CRPPA: variants seen among roughly 807,000 people sequenced by gnomAD.
The protein encoded by CRPPA is D-ribitol-5-phosphate cytidylyltransferase.
Under a neutral mutation model 52.0 loss-of-function variants are expected in CRPPA, and 43 were observed. The ratio of observed to expected loss-of-function variants is 0.83; its 90% CI spans 0.65 to 1.07. The LOEUF (loss-of-function observed/expected upper bound fraction) is 1.07. CRPPA is among the 50% of genes least tolerant of loss of function. The probability of loss-of-function intolerance (pLI) is 0.00; values close to 1 mark genes in which losing one functional copy is unlikely to be tolerated. For missense variants in CRPPA, 629 were observed against 551.7 expected (o/e 1.14, Z -1.40); for synonymous variants, 250 against 203.5 (o/e 1.23, Z -1.94).
At chr7:16,410,779 T>G (rs1788060336) in intron 1 of CRPPA, among the ~76,000 whole-genome samples, 1 of 152,146 alleles carries the variant, frequency 6.6e-6, no homozygotes, top group Admixed American at 6.5e-5. Context: ...GCTGCTTACC[T>G]GGCCTCTCAA....
chr7:16,355,068 T>C (rs1044237470), intron 3 of CRPPA, among the ~76,000 whole-genome samples: 1 of 152,194 alleles, frequency 6.6e-6, no homozygotes, highest in Non-Finnish European at 1.5e-5. Context: ...AACTGTATCT[T>C]TTATAAGCAA....
intron 3 of CRPPA, among the ~76,000 whole-genome samples, chr7:16,375,361 A>G (rs1285416580): frequency 6.6e-6 from 1 of 152,200 alleles, no homozygotes; most frequent in Non-Finnish European, 1.5e-5. Flanking sequence ...CTGATATTCA[A>G]TAACTATTTA....
intron 9 of CRPPA, among the ~76,000 whole-genome samples, chr7:16,167,377 T>G (rs2128384109): frequency 6.6e-6 from 1 of 152,348 alleles, no homozygotes; most frequent in Non-Finnish European, 1.5e-5. Context: ...AGGAAAAATC[T>G]CATACTTTCT....
chr7:16,405,920 C>T (rs926374260), intron 2 of CRPPA, 141 bp downstream of exon 2: 2 of 771,756 alleles, frequency 2.6e-6, no homozygotes, highest in Non-Finnish European at 4.1e-6. Context: ...AAAGTTACTA[C>T]AACAAATCAC....
intron 9 of CRPPA, among the ~76,000 whole-genome samples, chr7:16,203,918 A>C (rs1781912821): frequency 6.6e-6 from 1 of 152,218 alleles, no homozygotes; most frequent in Non-Finnish European, 1.5e-5. Flanking sequence ...GAATCCATAT[A>C]GCAACAAATC....
rs1479470007 is a variant in CRPPA, at chr7:16,170,108, T to C, written c.1251+45958A>G. ...ATTATAAACAAATAAAATATAGAAG[T>C]ATAAATCATAATCCAAAAGTAGGAT... On this transcript the variant is annotated intron_variant, in intron 9 of 9. Transcript: ENST00000407010. Among the ~76,000 whole-genome samples, 6 of 152,216 alleles carry C rather than the reference T, an allele frequency of 3.9e-5. No homozygotes were observed. In the South Asian group the frequency reaches 1.2e-3, roughly 32 times the overall value.
At chr7:16,303,143 T>C (rs1784825177) in intron 4 of CRPPA, among the ~76,000 whole-genome samples, 1 of 152,302 alleles carries the variant, frequency 6.6e-6, no homozygotes, top group Non-Finnish European at 1.5e-5. Context: ...AGAAATACTA[T>C]AGCATTTCAC....
intron 9 of CRPPA, among the ~76,000 whole-genome samples, chr7:16,114,326 C>G (rs1265098406): frequency 2.0e-5 from 3 of 148,944 alleles, no homozygotes; most frequent in Non-Finnish European, 3.0e-5. Flanking sequence ...ACCTTTGATA[C>G]CATTTAAGAC....
intron 5 of CRPPA, among the ~76,000 whole-genome samples, chr7:16,286,904 A>G (rs955366507): frequency 6.6e-6 from 1 of 152,160 alleles, no homozygotes; most frequent in African/African-American, 2.4e-5. Context: ...TCTATATGTA[A>G]TACAACCCTT....
chr7:16,106,305 C>A (rs923376887), intron 9 of CRPPA, among the ~76,000 whole-genome samples: 2 of 152,218 alleles, frequency 1.3e-5, no homozygotes, highest in South Asian at 4.1e-4. Context: ...CATAGCCTCT[C>A]TTCTGACCTG....
intron 9 of CRPPA, among the ~76,000 whole-genome samples, chr7:16,183,965 A>G (rs1781458688): frequency 1.3e-5 from 2 of 152,200 alleles, no homozygotes; most frequent in South Asian, 4.1e-4. Flanking sequence ...TTTTTGAGAC[A>G]GAGTTTTGCT....
chr7:16,281,656 T>C (rs1784323341), intron 5 of CRPPA, among the ~76,000 whole-genome samples: 1 of 152,220 alleles, frequency 6.6e-6, no homozygotes, highest in South Asian at 2.1e-4. Flanking sequence ...CTCTAGAAAG[T>C]GTGCAAGATT....
intron 9 of CRPPA, among the ~76,000 whole-genome samples, chr7:16,123,769 A>G (rs1782522572): frequency 6.6e-6 from 1 of 152,192 alleles, no homozygotes; most frequent in Non-Finnish European, 1.5e-5. Flanking sequence ...AACTTTTCAT[A>G]TTTTAGAAAA....
intron 8 of CRPPA, among the ~76,000 whole-genome samples, chr7:16,248,722 G>A (rs907605306): frequency 5.9e-5 from 9 of 152,168 alleles, no homozygotes; most frequent in African/African-American, 1.9e-4. Flanking sequence ...TGGACAGTGG[G>A]TGCAGCCCAC....
rs912439973 is a variant in CRPPA at position 16,089,417 on chromosome 7, G to A, written c.*2278C>T. 4.1e-5 allele frequency: 14 copies of A among 339,760 alleles called. No individual in the cohort carries two copies. Among genetic ancestry groups the A allele is most frequent in the African/African-American group, 8.5e-5 (4 of 46,844 alleles). The allele number at this position is 339,760 out of a possible 1,614,324, so 21.0% of individuals were successfully genotyped here. A position where few individuals can be genotyped will look rare whatever the true frequency, so the allele number is the denominator to read the frequency against. ...ATGTACATAATGTGTATATATGTAC[G>A]TACATACATATATGTGTATATATGT... On this transcript the variant is annotated 3_prime_UTR_variant, in exon 10 of 10. Transcript: ENST00000407010.
chr7:16,290,080 T>C (rs998489830), intron 5 of CRPPA, among the ~76,000 whole-genome samples: 15 of 151,042 alleles, frequency 9.9e-5, no homozygotes, highest in Non-Finnish European at 1.8e-4. Context: ...CTACAAAAAG[T>C]AAAATAAAAT....
At chr7:16,205,555 T>G (rs532337673) in intron 9 of CRPPA, among the ~76,000 whole-genome samples, 45 of 152,288 alleles carry the variant, frequency 3.0e-4, no homozygotes, top group African/African-American at 1.1e-3. Context: ...GATTTGCCAC[T>G]GAATGTTTTA....
intron 2 of CRPPA, among the ~76,000 whole-genome samples, chr7:16,388,125 A>C (rs1787342078): frequency 6.6e-6 from 1 of 152,132 alleles, no homozygotes; most frequent in African/African-American, 2.4e-5. Context: ...CTGGGACTAC[A>C]GGCATGTGCC....
rs139523043 is a variant in CRPPA at position 16,187,543 on chromosome 7, T to G, written c.1251+28523A>C. Among the ~76,000 whole-genome samples the G allele has an allele frequency of 6.7e-3, 1,016 of 152,334 alleles. 13 individuals are homozygous for G. Among genetic ancestry groups the G allele is most frequent in the African/African-American group, 0.023 (973 of 41,566 alleles). The stretch of plus-strand genomic sequence containing the variant: ...TATTCTTGCTATTTCATTTTTCTGT[T>G]AACCTTAAGAGATCCAAGGCAACTC... On this transcript the variant is annotated intron_variant, in intron 9 of 9. Coordinates refer to ENST00000407010, the MANE Select transcript of CRPPA (RefSeq NM_001101426.4).
Sources: allele counts gnomAD v4.1 joint callset (sites outside exome capture counted in the v4.1 genomes callset), GRCh38; gene constraint gnomAD v4.1.1; transcripts MANE v1.5; gene names NCBI Gene and HGNC (gene_info 2026-07-23, HGNC 2026-07-21).